Variants in LYST observed in about 807,000 individuals in gnomAD.
LYST encodes the protein lysosomal trafficking regulator, also known as lysosomal-trafficking regulator.
A neutral mutation model predicts 413.6 loss-of-function variants in LYST; 192 were observed. The ratio of observed to expected loss-of-function variants is 0.46; its 90% CI spans 0.41 to 0.52. The LOEUF (loss-of-function observed/expected upper bound fraction) is 0.52. Ranked by LOEUF, LYST falls within the 20% of genes least tolerant of loss-of-function variation. The probability of loss-of-function intolerance (pLI) is 0.00; values close to 1 mark genes in which losing one functional copy is unlikely to be tolerated. For missense variants in LYST, 3,815 were observed against 4,499.9 expected (o/e 0.85, Z 4.35); for synonymous variants, 1,525 against 1,567.3 (o/e 0.97, Z 0.64).
chr1:235,802,212 A>C (rs1451568695), intron 8 of LYST, among the ~76,000 whole-genome samples: 3 of 150,972 alleles, frequency 2.0e-5, no homozygotes, highest in South Asian at 2.1e-4. Context: ...AAAAAAAAAA[A>C]AAAAAAAACT....
At chr1:235,747,413 C>T (rs1446593787) in intron 28 of LYST, 3 of 252,652 alleles carry the variant, frequency 1.2e-5, no homozygotes, top group African/African-American at 6.9e-5. Flanking sequence ...TAAATTATAA[C>T]AGGTTTTAAA....
Position 235,733,523 on chromosome 1 carries a change from A to C in LYST, c.8781T>G (p.Ile2927Met). 1 of 1,613,994 alleles carries C rather than the reference A, an allele frequency of 6.2e-7. No homozygotes were observed. ...LSASRHWQEL[I>M]QQLTHDRAVW... ...CTTACCTATCATGTGTCAGCTGCTG[A>C]ATAAGTTCCTGCCAATGTCTGCTGG... Residue 2927 changes from isoleucine to methionine, a missense_variant, in exon 34 of 53, where the codon ATT (isoleucine) becomes ATG (methionine). This residue lies in a region of LYST where 866 missense variants were observed against 1,156.0 expected (regional missense o/e 0.75). Coordinates refer to ENST00000389793, the MANE Select transcript of LYST (RefSeq NM_000081.4).
intron 1 of LYST, among the ~76,000 whole-genome samples, chr1:235,855,350 G>A (rs1052120512): frequency 1.3e-5 from 2 of 152,038 alleles, no homozygotes; most frequent in Non-Finnish European, 2.9e-5. Flanking sequence ...TGTTCCCCCA[G>A]GTAAGGCTCT....
At chr1:235,666,615 C>CACACAA (rs1369913593) in intron 50 of LYST, among the ~76,000 whole-genome samples, 2 of 151,122 alleles carry the variant, frequency 1.3e-5, no homozygotes, top group Non-Finnish European at 3.0e-5. Flanking sequence ...CATACACACA[C>CACACAA]ACACACACAC....
intron 10 of LYST, among the ~76,000 whole-genome samples, chr1:235,797,946 T>C (rs1206210900): frequency 6.6e-6 from 1 of 152,178 alleles, no homozygotes; most frequent in South Asian, 2.1e-4. Flanking sequence ...AACAACCCAA[T>C]TCAAACATAA....
chr1:235,874,678 G>A (rs1380550033), intron 1 of LYST, among the ~76,000 whole-genome samples: 1 of 152,110 alleles, frequency 6.6e-6, no homozygotes, highest in Non-Finnish European at 1.5e-5. Flanking sequence ...CCTACTTTTG[G>A]AGAATTTAAA....
intron 31 of LYST, chr1:235,738,360 T>C (rs1218083352): frequency 3.1e-6 from 5 of 1,612,476 alleles, no homozygotes; most frequent in Non-Finnish European, 4.2e-6. Flanking sequence ...AAATTCATCA[T>C]TCCTAATGTT....
chr1:235,710,195 G>A (rs1290986454), intron 43 of LYST, among the ~76,000 whole-genome samples: 1 of 152,100 alleles, frequency 6.6e-6, no homozygotes, highest in Non-Finnish European at 1.5e-5. Context: ...CAAAATACTT[G>A]GGAAGTATTT....
chr1:235,790,119 A>G (rs936933897), intron 12 of LYST, among the ~76,000 whole-genome samples: 3 of 152,218 alleles, frequency 2.0e-5, no homozygotes, highest in Admixed American at 6.5e-5. Context: ...TATCCTTAAA[A>G]TAAAAATTAA....
intron 22 of LYST, 35 bp downstream of exon 22, chr1:235,762,685 T>G (rs1216293313): frequency 6.2e-7 from 1 of 1,600,046 alleles, no homozygotes. Context: ...AGAACTAAAA[T>G]GAGAAGGTCA....
intron 3 of LYST, among the ~76,000 whole-genome samples, chr1:235,816,054 C>T (rs940480322): frequency 2.2e-5 from 3 of 137,702 alleles, no homozygotes; most frequent in Non-Finnish European, 3.1e-5. Context: ...CACTTGAACC[C>T]GGGAGGAGGA....
At chr1:235,811,006 G>C (rs868394393) in intron 4 of LYST, among the ~76,000 whole-genome samples, 3 of 152,112 alleles carry the variant, frequency 2.0e-5, no homozygotes, top group African/African-American at 7.2e-5. Context: ...TTAGTCAGAT[G>C]TGGTGGTGCA....
intron 8 of LYST, among the ~76,000 whole-genome samples, chr1:235,801,306 C>T (rs1672189080): frequency 1.3e-5 from 2 of 151,616 alleles, no homozygotes; most frequent in South Asian, 4.2e-4. Flanking sequence ...TTTTCATCTT[C>T]AATAGAACTA....
chr1:235,824,776 C>A (rs1572380362), intron 3 of LYST, among the ~76,000 whole-genome samples: 1 of 152,154 alleles, frequency 6.6e-6, no homozygotes, highest in East Asian at 1.9e-4. Context: ...AATCCCAGCA[C>A]TTTGGGTGGC....
In LYST at chr1:235,806,033, T is replaced by C; in HGVS notation, c.3103A>G (p.Lys1035Glu). 1 of 1,613,962 alleles carries C rather than the reference T, an allele frequency of 6.2e-7. No homozygotes were observed. The highest frequency in any genetic ancestry group is 8.5e-7 in the Non-Finnish European group (1 of 1,179,916). The part of the protein sequence containing the change: ...NRISQPKRTM[K>E]EDLLSLAIKS... ...ATAGCCAAAGATAATAAATCTTCCT[T>C]CATAGTTCTCTTAGGTTGAGAAATT... The change falls in exon 6 of 53, where the codon AAG (lysine) becomes GAG (glutamate). Residue 1035 changes from lysine to glutamate, a missense_variant. Coordinates refer to ENST00000389793, the MANE Select transcript of LYST (RefSeq NM_000081.4).
chr1:235,802,795 C>G, intron 8 of LYST, 113 bp downstream of exon 8: 3 of 930,778 alleles, frequency 3.2e-6, no homozygotes, highest in Non-Finnish European at 5.1e-6. Flanking sequence ...ATGCAACACA[C>G]TTGTTAAACT....
At chr1:235,737,488 C>T (rs1195518550) in intron 31 of LYST, 1 of 152,144 alleles carries the variant, frequency 6.6e-6, no homozygotes, top group Non-Finnish European at 1.5e-5. Flanking sequence ...TCTCTAAATA[C>T]TATCATCTCC....
At chr1:235,853,555 A>G (rs1678804693) in intron 1 of LYST, among the ~76,000 whole-genome samples, 1 of 152,156 alleles carries the variant, frequency 6.6e-6, no homozygotes. Context: ...TGGAAATCTA[A>G]GACAGCAATG....
intron 1 of LYST, among the ~76,000 whole-genome samples, chr1:235,847,260 T>C (rs1192092792): frequency 6.6e-6 from 1 of 152,172 alleles, no homozygotes; most frequent in Non-Finnish European, 1.5e-5. Flanking sequence ...GCCAAGAATT[T>C]TGTATCCAGC....
Sources: gnomAD v4.1 joint callset for allele counts (sites outside exome capture counted in the v4.1 genomes callset) on GRCh38, gnomAD v4.1.1 for gene constraint, gnomAD v4.1.1 regional missense constraint, MANE v1.5 for transcripts, NCBI Gene and HGNC (gene_info 2026-07-23, HGNC 2026-07-21) for gene names.